The following BPTF variants were observed in gnomAD, a reference collection of about 807,000 sequenced individuals.
The protein encoded by BPTF is nucleosome-remodeling factor subunit BPTF.
A neutral mutation model predicts 292.5 loss-of-function variants in BPTF; 18 were observed. The ratio of observed to expected loss-of-function variants is 0.06; its 90% CI spans 0.04 to 0.09. BPTF has a LOEUF of 0.09. Among genes scored for constraint, BPTF ranks in the 10% least tolerant of loss-of-function variants. BPTF has a pLI of 1.00. For synonymous variants in BPTF, 1,225 were observed against 1,251.9 expected, an observed-to-expected ratio of 0.98 and a Z score of 0.45; for missense variants, 2,726 against 3,498.7, an observed-to-expected ratio of 0.78 and a Z score of 5.57.
chr17:67,907,308 C>A (rs1598570033), intron 9 of BPTF, among the ~76,000 whole-genome samples: 2 of 136,592 alleles, frequency 1.5e-5, no homozygotes, highest in East Asian at 2.2e-4. Context: ...TACACAAATA[C>A]AAAGAGAATA....
chr17:67,862,627 T>C (rs562484493), intron 2 of BPTF, among the ~76,000 whole-genome samples: 1 of 152,266 alleles, frequency 6.6e-6, no homozygotes, highest in South Asian at 2.1e-4. Context: ...AATTGCTGAA[T>C]TGCTAGTTTT....
Position 67,912,496 on chromosome 17 carries a change from A to G in BPTF, c.4612A>G (p.Thr1538Ala), listed in dbSNP as rs1283403764. 1.9e-6 allele frequency: 3 copies of G among 1,613,816 alleles called. No homozygotes were observed. In the African/African-American group the frequency reaches 4.0e-5, roughly 22 times the overall value. The change falls in exon 11 of 28, where the codon ACC becomes GCC. Residue 1538 changes from threonine (T) to alanine (A), a missense_variant. Coordinates refer to ENST00000306378, the MANE Select transcript of BPTF (RefSeq NM_182641.4). ...TCAGGTAGAAGATATGGAAATAGAA[A>G]CCTCAGAAGTTAAGAAAGTTACTTC... ...VNQVEDMEIE[T>A]SEVKKVTSSP... is the part of the protein sequence containing the mutation.
At chr17:67,878,718 T>C (rs760861315) in intron 4 of BPTF, among the ~76,000 whole-genome samples, 1 of 151,966 alleles carries the variant, frequency 6.6e-6, no homozygotes, top group Non-Finnish European at 1.5e-5. Flanking sequence ...CGTTTAGATA[T>C]CCTCTTTTGG....
chr17:67,950,458 A>G (rs922300013), intron 23 of BPTF, among the ~76,000 whole-genome samples: 1 of 152,176 alleles, frequency 6.6e-6, no homozygotes. Flanking sequence ...CAAAAGAAAC[A>G]AAGACAAAAA....
intron 2 of BPTF, among the ~76,000 whole-genome samples, chr17:67,855,545 A>G (rs1315001633): frequency 2.0e-5 from 3 of 152,162 alleles, no homozygotes; most frequent in Non-Finnish European, 1.5e-5. Flanking sequence ...GATGATCCCA[A>G]CAGACTGAGG....
chr17:67,931,034 AG>A (rs372693974), intron 17 of BPTF, among the ~76,000 whole-genome samples: 3,585 of 151,982 alleles, frequency 0.024, 130 homozygotes, highest in African/African-American at 0.081. Context: ...TGGGAAGCCA[AG>A]GGGGGCGGAT....
At chr17:67,886,201 C>T in intron 4 of BPTF, 1 of 1,613,888 alleles carries the variant, frequency 6.2e-7, no homozygotes, top group Non-Finnish European at 8.5e-7. Flanking sequence ...ATCTGGAAAA[C>T]AGTAACAGCA....
intron 27 of BPTF, among the ~76,000 whole-genome samples, chr17:67,977,497 A>G (rs1555694640): frequency 6.6e-6 from 1 of 151,818 alleles, no homozygotes; most frequent in Admixed American, 6.6e-5. Context: ...CCTTGGTGTC[A>G]GAGTGAGACT....
chr17:67,874,997 A>T lies in BPTF; in HGVS notation c.1841A>T (p.Asp614Val). ...AGTGACGACAAAACACCAGATGATG[A>T]CCCTGAGCAAGGAAAATCTGAGGGT... ...KDSDDKTPDDDPEQGKSEVGD... is the reference protein window; with the variant it reads ...KDSDDKTPDDVPEQGKSEVGD... Residue 614 changes from aspartate to valine, a missense_variant, in exon 4 of 28, where the codon GAC (aspartate) becomes GTC (valine). Coordinates refer to ENST00000306378, the MANE Select transcript of BPTF (RefSeq NM_182641.4). 6.2e-7 allele frequency: 1 copy of T among 1,610,738 alleles called. No individual in the cohort carries two copies. Among genetic ancestry groups the T allele is most frequent in the Non-Finnish European group, 8.5e-7 (1 of 1,179,098 alleles).
Position 67,842,048 on chromosome 17 carries a change from C to T in BPTF, c.614-11892C>T, listed in dbSNP as rs759852975. 4.3e-4 allele frequency among the ~76,000 whole-genome samples: 65 copies of T among 151,932 alleles called. 1 individual carries two copies. The highest frequency in any genetic ancestry group is 2.9e-5 in the Non-Finnish European group (2 of 67,974). On this transcript the variant is annotated intron_variant, in intron 1 of 27. Coordinates refer to ENST00000306378, the MANE Select transcript of BPTF (RefSeq NM_182641.4). Reference sequence around the variant, plus strand: ...CCTCTAAATAAAATGTAAAATAAAACGTAAAAGTATTGCAACCATACAGGT... The same window carrying T: ...CCTCTAAATAAAATGTAAAATAAAATGTAAAAGTATTGCAACCATACAGGT...
intron 26 of BPTF, among the ~76,000 whole-genome samples, chr17:67,973,753 C>T (rs1353314496): frequency 1.3e-4 from 20 of 151,924 alleles, no homozygotes; most frequent in East Asian, 1.9e-4. Context: ...ATGATACGCC[C>T]ACCTCGGCCT....
At chr17:67,949,680 CAG>C (rs58619607) in intron 23 of BPTF, among the ~76,000 whole-genome samples, 133,294 of 151,192 alleles carry the variant, frequency 0.88, 61,116 homozygotes, top group East Asian at 1. Flanking sequence ...TATATACACA[CAG>C]ACATACATAT....
rs1455085571 is a variant in BPTF, at chr17:67,866,658, G to C, written c.1631G>C (p.Ser544Thr). 5 of 1,613,716 alleles carry C rather than the reference G, an allele frequency of 3.1e-6. No homozygotes were observed. Among genetic ancestry groups the C allele is most frequent in the Non-Finnish European group, 4.2e-6 (5 of 1,179,720 alleles). The change falls in exon 3 of 28, where the codon AGT becomes ACT. Residue 544 changes from serine (S) to threonine (T), a missense_variant. Transcript: ENST00000306378. ...GACCTGACCAATAAGGCTCGGGGCA[G>C]TAACAAATCCTTTCTGGCGGCAGCT... ...TEDLTNKARG[S>T]NKSFLAAANE... is the part of the protein sequence containing the mutation.
At chr17:67,934,861 ACT>A (rs1389988471) in intron 18 of BPTF, among the ~76,000 whole-genome samples, 19 of 95,432 alleles carry the variant, frequency 2.0e-4, no homozygotes, top group African/African-American at 7.0e-4. Flanking sequence ...AATGAGCGAA[ACT>A]CTGTCTCAAA....
chr17:67,878,405 T>A (rs1337498352), intron 4 of BPTF, among the ~76,000 whole-genome samples: 1 of 152,196 alleles, frequency 6.6e-6, no homozygotes, highest in Non-Finnish European at 1.5e-5. Context: ...GGTACAAGCC[T>A]AGTTGTGGAT....
At chr17:67,914,533 C>T (rs965278834) in intron 11 of BPTF, among the ~76,000 whole-genome samples, 7 of 152,176 alleles carry the variant, frequency 4.6e-5, no homozygotes, top group African/African-American at 7.2e-5. Flanking sequence ...TCATTGAGAG[C>T]GGTCCCAAAA....
intron 7 of BPTF, among the ~76,000 whole-genome samples, chr17:67,900,779 G>A (rs2061778831): frequency 6.6e-6 from 1 of 152,090 alleles, no homozygotes; most frequent in Non-Finnish European, 1.5e-5. Flanking sequence ...AGAGGTTGAG[G>A]AGGGAGGATC....
At position 67,899,995 on chromosome 17, in the gene BPTF, A is replaced by C. The variant is rs866820035; in HGVS notation, c.2544-3794A>C. Among the ~76,000 whole-genome samples, 4 of 152,162 alleles carry C rather than the reference A, an allele frequency of 2.6e-5. No individual in the cohort carries two copies. In the South Asian group the frequency reaches 8.3e-4, roughly 31 times the overall value. ...GGTTGTAGATAAAGTTCTGTTTCTT[A>C]ACCTGGTTGCATTTTACATATTTTT... is the stretch of plus-strand genomic sequence containing the variant. On this transcript the variant is annotated intron_variant, in intron 7 of 27. Transcript: ENST00000306378.
In BPTF at chr17:67,854,122, C is replaced by T. The variant is rs765443034; in HGVS notation, c.796C>T (p.Arg266Cys). The T allele has an allele frequency of 2.5e-6, 4 of 1,614,158 alleles. No individual in the cohort carries two copies. Among genetic ancestry groups the T allele is most frequent in the South Asian group, 1.1e-5 (1 of 91,078 alleles). Residue 266 changes from arginine to cysteine, a missense_variant, in exon 2 of 28, where the codon CGC becomes TGC. Around this residue, in one of 22 missense-constraint regions of BPTF, gnomAD observed 102 missense variants for 212.6 expected, o/e 0.48. Transcript: ENST00000306378. This position sits in a 1 kb window ranked among gnomAD's most constrained non-coding sequence, Gnocchi z 5.6. ...CACTGTTTTGAGATTATCTCCTTTTCGCTTTGAGGACTTTTGTGCAGCTCT... is the reference window on the plus strand; with the variant it reads ...CACTGTTTTGAGATTATCTCCTTTTTGCTTTGAGGACTTTTGTGCAGCTCT... Reference protein sequence around the residue: ...FGTVLRLSPFRFEDFCAALVS... With the variant: ...FGTVLRLSPFCFEDFCAALVS...
Sources: gnomAD v4.1 joint callset for allele counts (sites outside exome capture counted in the v4.1 genomes callset) on GRCh38, gnomAD v4.1.1 for gene constraint, gnomAD v4.1.1 regional missense constraint, Gnocchi (gnomAD v3.1) non-coding constraint, MANE v1.5 for transcripts, NCBI Gene and HGNC (gene_info 2026-07-23, HGNC 2026-07-21) for gene names.